GPBP1: variants seen among roughly 807,000 people sequenced by gnomAD.
GPBP1 encodes the protein vasculin.
A neutral mutation model predicts 56.5 loss-of-function variants in GPBP1; 13 were observed. The ratio of observed to expected loss-of-function variants is 0.23; its 90% confidence interval spans 0.15 to 0.37. The LOEUF is 0.37. Among genes scored for constraint, GPBP1 ranks in the 10% least tolerant of loss-of-function variants. The pLI is 1.00. For synonymous variants in GPBP1, 204 were observed against 188.9 expected, an observed-to-expected ratio of 1.08 and a Z score of -0.66; for missense variants, 477 against 572.3, an observed-to-expected ratio of 0.83 and a Z score of 1.70.
At chr5:57,255,615 A>AT (rs568552030) in intron 10 of GPBP1, among the ~76,000 whole-genome samples, 565 of 152,326 alleles carry the variant, frequency 3.7e-3, no homozygotes, top group Middle Eastern at 6.8e-3. Context: ...CAGATAAAAG[A>AT]TTTTTTTAAC....
intron 2 of GPBP1, among the ~76,000 whole-genome samples, chr5:57,194,651 C>G (rs1317793172): frequency 6.6e-6 from 1 of 152,104 alleles, no homozygotes; most frequent in Admixed American, 6.6e-5. Flanking sequence ...ACCTCCCGCT[C>G]TTTATCTCCC....
Position 57,231,209 on chromosome 5 carries a change from G to A in GPBP1, c.299G>A (p.Ser100Asn), listed in dbSNP as rs773815500. Residue 100 changes from serine to asparagine, a missense_variant, in exon 5 of 12, where the codon AGT becomes AAT. Physicochemically the swap from Ser to Asn is conservative, Grantham distance 46. Around this residue, in one of 2 missense-constraint regions of GPBP1, gnomAD observed 414 missense variants for 458.2 expected, o/e 0.90. Coordinates refer to ENST00000506184, the MANE Select transcript of GPBP1 (RefSeq NM_022913.4). ...YHGGSSRSRS[S>N]IFHAGKSQGL... ...GGTGGAAGTTCCCGTTCTCGTAGCA[G>A]TATTTTCCATGCAGGAAAAAGCCAA... is the stretch of plus-strand genomic sequence containing the variant. 7.4e-6 allele frequency: 12 copies of A among 1,613,972 alleles called. No homozygotes were observed. In the African/African-American group the frequency reaches 8.0e-5, roughly 11 times the overall value.
At position 57,175,775 on chromosome 5, in the gene GPBP1, G is replaced by C; in HGVS notation, c.-683G>C. On this transcript the variant is annotated 5_prime_UTR_variant, in exon 2 of 12. Coordinates refer to ENST00000506184, the MANE Select transcript of GPBP1 (RefSeq NM_022913.4). ...TCTTCAGCCGAAACTGAGAGACGTT[G>C]ATTTGTGTACTGAGTAGTTTCAGCA... The C allele has an allele frequency of 2.5e-6, 1 of 396,796 alleles. No homozygotes were observed. The highest frequency in any genetic ancestry group is 4.4e-6 in the Non-Finnish European group (1 of 225,490). 24.6% of individuals were successfully genotyped at this position (396,796 alleles called of 1,614,324 possible).
At chr5:57,218,638 C>CT (rs1755800319) in intron 3 of GPBP1, among the ~76,000 whole-genome samples, 1 of 152,144 alleles carries the variant, frequency 6.6e-6, no homozygotes, top group African/African-American at 2.4e-5. Flanking sequence ...GGGCCCCAGT[C>CT]TAAGTGACTA....
chr5:57,179,438 C>A (rs1429990806), intron 2 of GPBP1, among the ~76,000 whole-genome samples: 3 of 152,182 alleles, frequency 2.0e-5, no homozygotes. Flanking sequence ...ACCTCGAACT[C>A]CTGGGGTTAA....
At chr5:57,246,546 G>T in intron 7 of GPBP1, 62 bp downstream of exon 7, 1 of 1,368,672 alleles carries the variant, frequency 7.3e-7, no homozygotes, top group Non-Finnish European at 1.0e-6. Flanking sequence ...GTCCTATGGG[G>T]GGAAATGTTA....
intron 10 of GPBP1, among the ~76,000 whole-genome samples, chr5:57,259,569 G>GT (rs1296218651): frequency 6.6e-6 from 1 of 152,170 alleles, no homozygotes; most frequent in Non-Finnish European, 1.5e-5. Context: ...CAGTTTAACC[G>GT]TGTCAGTGCT....
At chr5:57,230,555 A>C in intron 3 of GPBP1, 1 of 336,056 alleles carries the variant, frequency 3.0e-6, no homozygotes, top group Non-Finnish European at 5.5e-6. Flanking sequence ...TTTTGTTGAG[A>C]AACATCGTAT....
In GPBP1 at chr5:57,247,173, A is replaced by G; in HGVS notation, c.762A>G (p.Ser254=). 1.2e-6 allele frequency: 2 copies of G among 1,613,754 alleles called. No individual in the cohort carries two copies. The highest frequency in any genetic ancestry group is 1.7e-6 in the Non-Finnish European group (2 of 1,179,818). ...TTGGCAACTTTAATGCTTTTAAATC[A>G]ACTGCCAAGAACTTTAGTCCATCTA... ...FGVGNFNAFK[S]TAKNFSPSTN... The change falls in exon 8 of 12, where the codon TCA becomes TCG. Residue 254 remains serine, a synonymous_variant. Coordinates refer to ENST00000506184, the MANE Select transcript of GPBP1 (RefSeq NM_022913.4).
In GPBP1 at chr5:57,231,119, A is replaced by G. The variant is rs763618708; in HGVS notation, c.209A>G (p.Lys70Arg). 9 of 1,613,072 alleles carry G rather than the reference A, an allele frequency of 5.6e-6. No individual in the cohort carries two copies. The highest frequency in any genetic ancestry group is 7.6e-6 in the Non-Finnish European group (9 of 1,179,776). The change falls in exon 5 of 12, where the codon AAA (lysine) becomes AGA (arginine). Residue 70 changes from lysine to arginine, a missense_variant. Around this residue, in one of 2 missense-constraint regions of GPBP1, gnomAD observed 414 missense variants for 458.2 expected, o/e 0.90. Coordinates refer to ENST00000506184, the MANE Select transcript of GPBP1 (RefSeq NM_022913.4). ...PNGGNFGRKE[K>R]NGWRTHGRNG... Reference sequence around the variant, plus strand: ...AAAGGTAACTTTGGAAGGAAAGAAAAAAATGGATGGCGTACACATGGAAGA... The same window carrying G: ...AAAGGTAACTTTGGAAGGAAAGAAAGAAATGGATGGCGTACACATGGAAGA...
rs139319179 is a variant in GPBP1, at chr5:57,231,235, G to A, written c.325G>A (p.Gly109Arg). The change falls in exon 5 of 12, where the codon GGA (glycine) becomes AGA (arginine). Residue 109 changes from glycine (G) to arginine (R), a missense_variant. Transcript: ENST00000506184. ...TATTTTCCATGCAGGAAAAAGCCAAGGACTACATGAAAACAACATACCTGA... is the reference window on the plus strand; with the variant it reads ...TATTTTCCATGCAGGAAAAAGCCAAAGACTACATGAAAACAACATACCTGA... Reference protein sequence around the residue: ...SSIFHAGKSQGLHENNIPDNE... With the variant: ...SSIFHAGKSQRLHENNIPDNE... 5.0e-6 allele frequency: 8 copies of A among 1,613,940 alleles called. No individual in the cohort carries two copies. In the African/African-American group the frequency reaches 9.3e-5, roughly 19 times the overall value.
At chr5:57,211,855 A>C (rs1755496854) in intron 2 of GPBP1, among the ~76,000 whole-genome samples, 1 of 151,942 alleles carries the variant, frequency 6.6e-6, no homozygotes, top group African/African-American at 2.4e-5. Flanking sequence ...TACAGGCGTG[A>C]GCCGTCGTGC....
chr5:57,210,488 A>C (rs1755429125), intron 2 of GPBP1, among the ~76,000 whole-genome samples: 1 of 152,160 alleles, frequency 6.6e-6, no homozygotes, highest in South Asian at 2.1e-4. Flanking sequence ...GATTTCTAAT[A>C]AGCTGTGGAA....
At chr5:57,216,610 C>T (rs986117258) in intron 3 of GPBP1, among the ~76,000 whole-genome samples, 2 of 151,910 alleles carry the variant, frequency 1.3e-5, no homozygotes, top group African/African-American at 4.8e-5. Flanking sequence ...CACTTGAACC[C>T]GGGAGGTAGA....
Position 57,247,179 on chromosome 5 carries a change from C to G in GPBP1, c.768C>G (p.Ala256=). The G allele has an allele frequency of 6.2e-7, 1 of 1,613,524 alleles. No homozygotes were observed. Among genetic ancestry groups the G allele is most frequent in the Non-Finnish European group, 8.5e-7 (1 of 1,179,720 alleles). ...VGNFNAFKST[A]KNFSPSTNSV... is the part of the protein sequence containing the mutation. ...ACTTTAATGCTTTTAAATCAACTGC[C>G]AAGAACTTTAGTCCATCTACAAATT... Residue 256 remains alanine, a synonymous_variant, in exon 8 of 12, where the codon GCC becomes GCG. Coordinates refer to ENST00000506184, the MANE Select transcript of GPBP1 (RefSeq NM_022913.4).
chr5:57,180,477 G>A (rs549630068), intron 2 of GPBP1, among the ~76,000 whole-genome samples: 1 of 152,264 alleles, frequency 6.6e-6, no homozygotes, highest in South Asian at 2.1e-4. Context: ...TGATAAAAAT[G>A]TTTATCAAAT....
At chr5:57,224,077 C>A (rs1353148288) in intron 3 of GPBP1, among the ~76,000 whole-genome samples, 1 of 151,736 alleles carries the variant, frequency 6.6e-6, no homozygotes, top group East Asian at 1.9e-4. Flanking sequence ...TCATGATCCG[C>A]CCGCCTCGGC....
intron 3 of GPBP1, among the ~76,000 whole-genome samples, chr5:57,223,788 T>TAATTTTAA (rs1367630022): frequency 6.7e-6 from 1 of 148,998 alleles, no homozygotes; most frequent in East Asian, 1.9e-4. Flanking sequence ...ATTATATATA[T>TAATTTTAA]AATTTTAAAA....
At chr5:57,207,098 T>C (rs1023416558) in intron 2 of GPBP1, among the ~76,000 whole-genome samples, 3 of 152,124 alleles carry the variant, frequency 2.0e-5, no homozygotes, top group African/African-American at 7.2e-5. Flanking sequence ...AGTGAGACTT[T>C]GTCTCGAAAA....
Sources: allele counts gnomAD v4.1 joint callset (sites outside exome capture counted in the v4.1 genomes callset), GRCh38; gene constraint gnomAD v4.1.1; regional missense constraint gnomAD v4.1.1; transcripts MANE v1.5; gene names NCBI Gene and HGNC (gene_info 2026-07-23, HGNC 2026-07-21).